PCDH15: variants seen among roughly 807,000 people sequenced by gnomAD.
The protein encoded by PCDH15 is protocadherin related 15.
PCDH15 carries 129 observed loss-of-function variants against 178.5 expected under a neutral mutation model. The observed-to-expected ratio is 0.72, with a 90% confidence interval of 0.63 to 0.84. The LOEUF is 0.84. Ranked by LOEUF, PCDH15 falls within the 40% of genes least tolerant of loss-of-function variation. The pLI is 0.00. For missense variants in PCDH15, 2,230 were observed against 2,099.9 expected (o/e 1.06, Z -1.21); for synonymous variants, 800 against 732.0 (o/e 1.09, Z -1.50).
intron 2 of PCDH15, among the ~76,000 whole-genome samples, chr10:55,373,545 T>TA (rs541170466): frequency 1.3e-4 from 19 of 150,824 alleles, no homozygotes; most frequent in Admixed American, 7.3e-4. Flanking sequence ...ACAGGTAATC[T>TA]AAAAAAAAAT....
In PCDH15 at chr10:54,340,938, AT is replaced by A. The variant is rs376692025; in HGVS notation, c.594+5426del. ...GGTCATATACTAGTGAAATTCTGCCATTTTGCCTCTTAACGTGCATGCTTCA... is the reference window on the plus strand; with the variant it reads ...GGTCATATACTAGTGAAATTCTGCCATTTGCCTCTTAACGTGCATGCTTCA... On this transcript the variant is annotated intron_variant, in intron 6 of 37. Coordinates refer to ENST00000644397, the MANE Select transcript of PCDH15 (RefSeq NM_001384140.1). 3.7e-4 allele frequency among the ~76,000 whole-genome samples: 56 copies of A among 152,170 alleles called. 3 individuals are homozygous for A. The East Asian group carries it at 9.1e-3, about 25-fold the overall frequency.
intron 8 of PCDH15, among the ~76,000 whole-genome samples, chr10:54,294,778 T>C (rs2059640043): frequency 2.0e-5 from 3 of 152,230 alleles, no homozygotes; most frequent in Admixed American, 2.0e-4. Flanking sequence ...ATTAGAATTA[T>C]TTTGACACAT....
intron 3 of PCDH15, among the ~76,000 whole-genome samples, chr10:54,441,539 A>C (rs1040547769): frequency 6.6e-6 from 1 of 151,868 alleles, no homozygotes; most frequent in Non-Finnish European, 1.5e-5. Flanking sequence ...AAGTCTTGAC[A>C]TTGCCATTAA....
At chr10:53,928,088 A>G (rs374512038) in intron 25 of PCDH15, among the ~76,000 whole-genome samples, 14 of 152,200 alleles carry the variant, frequency 9.2e-5, no homozygotes, top group African/African-American at 3.1e-4. Flanking sequence ...TCAGAAAAGC[A>G]GTTACATAGG....
intron 2 of PCDH15, among the ~76,000 whole-genome samples, chr10:55,087,336 T>C (rs1255283880): frequency 6.6e-6 from 1 of 151,368 alleles, no homozygotes; most frequent in East Asian, 2.0e-4. Context: ...CCTTCAAAGA[T>C]GTGTCTTCAA....
intron 1 of PCDH15, among the ~76,000 whole-genome samples, chr10:54,711,056 T>C (rs1307499365): frequency 1.3e-5 from 2 of 151,996 alleles, no homozygotes; most frequent in Non-Finnish European, 1.5e-5. Flanking sequence ...TAGCAATGTT[T>C]TAGGTTTATT....
At chr10:54,652,701 C>G (rs1227273952) in intron 2 of PCDH15, among the ~76,000 whole-genome samples, 1 of 152,106 alleles carries the variant, frequency 6.6e-6, no homozygotes, top group Non-Finnish European at 1.5e-5. Context: ...TGTGAAGAGG[C>G]AGCAAGAGGG....
chr10:54,931,305 T>A (rs1177504673), intron 2 of PCDH15, among the ~76,000 whole-genome samples: 1 of 152,188 alleles, frequency 6.6e-6, no homozygotes, highest in Non-Finnish European at 1.5e-5. Flanking sequence ...ATTGTGTGAC[T>A]TTTCAGTAAC....
intron 26 of PCDH15, among the ~76,000 whole-genome samples, chr10:53,896,146 C>T (rs2081935739): frequency 6.6e-6 from 1 of 151,176 alleles, no homozygotes; most frequent in East Asian, 2.0e-4. Flanking sequence ...AGAGTGTAGG[C>T]TAAAATAAGT....
chr10:55,082,632 A>G (rs557278518), intron 2 of PCDH15, among the ~76,000 whole-genome samples: 1 of 151,412 alleles, frequency 6.6e-6, no homozygotes, highest in East Asian at 1.9e-4. Context: ...GTTGCTTTTT[A>G]AAAAGATAAA....
chr10:54,014,778 A>T (rs907536775), intron 20 of PCDH15, among the ~76,000 whole-genome samples: 6 of 152,172 alleles, frequency 3.9e-5, no homozygotes, highest in African/African-American at 1.4e-4. Flanking sequence ...AATAAAAGCC[A>T]TCTATGACAA....
chr10:54,874,964 C>T (rs1954113179), intron 3 of PCDH15, among the ~76,000 whole-genome samples: 2 of 152,092 alleles, frequency 1.3e-5, no homozygotes, highest in South Asian at 4.1e-4. Context: ...GTTAGATTTG[C>T]AAATAGCAAA....
intron 2 of PCDH15, among the ~76,000 whole-genome samples, chr10:54,945,376 G>T (rs1249486972): frequency 6.6e-6 from 1 of 151,146 alleles, no homozygotes; most frequent in East Asian, 1.9e-4. Context: ...TAGATAGATA[G>T]ATAGATAGAT....
At chr10:54,244,047 A>C (rs988298831) in intron 8 of PCDH15, among the ~76,000 whole-genome samples, 1 of 152,202 alleles carries the variant, frequency 6.6e-6, no homozygotes, top group Non-Finnish European at 1.5e-5. Context: ...GATTCATGAA[A>C]ATCATAACAA....
chr10:54,659,799 C>T (rs1473124055), intron 2 of PCDH15, among the ~76,000 whole-genome samples: 1 of 148,640 alleles, frequency 6.7e-6, no homozygotes. Context: ...CAAAACCACA[C>T]AAGTACATGG....
intron 2 of PCDH15, among the ~76,000 whole-genome samples, chr10:55,456,304 G>A (rs1302069676): frequency 6.6e-6 from 1 of 152,102 alleles, no homozygotes; most frequent in East Asian, 1.9e-4. Context: ...TGGAGAGAGG[G>A]ACTGGAGAGG....
At chr10:53,909,675 C>G (rs920161628) in intron 25 of PCDH15, among the ~76,000 whole-genome samples, 1 of 152,156 alleles carries the variant, frequency 6.6e-6, no homozygotes, top group African/African-American at 2.4e-5. Flanking sequence ...GTGCAGCCCA[C>G]AGAGGGCAAG....
At chr10:54,126,292 A>C (rs1337095608) in intron 15 of PCDH15, among the ~76,000 whole-genome samples, 1 of 151,966 alleles carries the variant, frequency 6.6e-6, no homozygotes, top group Non-Finnish European at 1.5e-5. Context: ...ATGGGTCTGA[A>C]ACTCCTGACC....
intron 25 of PCDH15, among the ~76,000 whole-genome samples, chr10:53,921,128 A>G (rs1485482261): frequency 1.3e-5 from 2 of 152,196 alleles, no homozygotes; most frequent in African/African-American, 4.8e-5. Context: ...ATATGTCATT[A>G]AGTCCAAGCA....
Sources: gnomAD v4.1 joint callset for allele counts (sites outside exome capture counted in the v4.1 genomes callset) on GRCh38, gnomAD v4.1.1 for gene constraint, MANE v1.5 for transcripts, NCBI Gene and HGNC (gene_info 2026-07-23, HGNC 2026-07-21) for gene names.